The following SGIP1 variants were observed in gnomAD, a reference collection of about 807,000 sequenced individuals.
SGIP1 encodes the protein SH3GL interacting endocytic adaptor 1, also known as SH3-containing GRB2-like protein 3-interacting protein 1.
SGIP1 carries 38 observed loss-of-function variants against 107.5 expected under a neutral mutation model. That is an observed-to-expected ratio of 0.35 (90% CI 0.27 to 0.46). SGIP1 has a LOEUF of 0.46. SGIP1 is among the 20% of genes least tolerant of loss of function. The pLI, the probability that SGIP1 is intolerant of heterozygous loss-of-function variation, is 1.00. For synonymous variants in SGIP1, 365 were observed against 366.1 expected (o/e 1.00, Z 0.03); for missense variants, 929 against 1,019.5 (o/e 0.91, Z 1.21).
intron 1 of SGIP1, among the ~76,000 whole-genome samples, chr1:66,574,809 C>CACACAT (rs2060836618): frequency 3.3e-5 from 5 of 152,042 alleles, no homozygotes; most frequent in South Asian, 2.1e-4. Context: ...TGTGCACGCA[C>CACACAT]GCACATGTAT....
chr1:66,600,364 C>A lies in SGIP1; in HGVS notation c.11-25483C>A, dbSNP rs1053626648. Among the ~76,000 whole-genome samples, 29 of 22,570 alleles carry A rather than the reference C, an allele frequency of 1.3e-3. No individual in the cohort carries two copies. In the Admixed American group the frequency reaches 0.015, roughly 12 times the overall value. The allele number at this position is 22,570 out of a possible 152,430, so 14.8% of individuals were successfully genotyped here. A position where few individuals can be genotyped will look rare whatever the true frequency, so the allele number is the denominator to read the frequency against. On this transcript the variant is annotated intron_variant, in intron 1 of 24. Transcript: ENST00000371037. The stretch of plus-strand genomic sequence containing the variant: ...TTCAAAGGGGAACTAGCACAGAGAC[C>A]CCCCTCCTAGAAATGGAAGTCATGT...
intron 7 of SGIP1, among the ~76,000 whole-genome samples, chr1:66,656,715 A>G (rs1013231629): frequency 2.6e-5 from 4 of 152,136 alleles, no homozygotes; most frequent in Non-Finnish European, 5.9e-5. Flanking sequence ...GTTGTTCACT[A>G]ATGTCCCTAA....
intron 18 of SGIP1, among the ~76,000 whole-genome samples, chr1:66,700,370 CA>C (rs34109375): frequency 0.03 from 2,516 of 82,910 alleles, 58 homozygotes; most frequent in African/African-American, 0.11. Context: ...GACTCCATCT[CA>C]AAAAAAAAAA....
chr1:66,569,645 T>C (rs2060118419), intron 1 of SGIP1, among the ~76,000 whole-genome samples: 1 of 151,916 alleles, frequency 6.6e-6, no homozygotes, highest in East Asian at 1.9e-4. Context: ...TGGATTTGAT[T>C]TGCTAATACT....
rs114755013 is a variant in SGIP1, at chr1:66,542,989, A to G, written c.10+8621A>G. On this transcript the variant is annotated intron_variant, in intron 1 of 24. Transcript: ENST00000371037. ...TCTCTGACTGGCAAGTAAACAGCAG[A>G]TTGTTTAAATCTGACTGGATGTTTC... Among the ~76,000 whole-genome samples, 741 of 152,292 alleles carry G rather than the reference A, an allele frequency of 4.9e-3. 4 individuals carry two copies. Among genetic ancestry groups the G allele is most frequent in the African/African-American group, 0.017 (702 of 41,558 alleles).
At chr1:66,712,501 T>C (rs2092984068) in intron 18 of SGIP1, among the ~76,000 whole-genome samples, 1 of 152,270 alleles carries the variant, frequency 6.6e-6, no homozygotes, top group African/African-American at 2.4e-5. Context: ...TAAACACTCC[T>C]TTATTTATAA....
intron 19 of SGIP1, among the ~76,000 whole-genome samples, chr1:66,725,876 T>A (rs2150525016): frequency 6.6e-6 from 1 of 152,302 alleles, no homozygotes; most frequent in South Asian, 2.1e-4. Flanking sequence ...AAGCTAAGGT[T>A]GATGGGTGCT....
At chr1:66,533,926 G>T (rs1190547875), upstream of SGIP1, among the ~76,000 whole-genome samples, 1 of 151,776 alleles carries the variant, frequency 6.6e-6, no homozygotes, top group African/African-American at 2.4e-5. Flanking sequence ...GGCGGGGGAA[G>T]TGCGTCACCA....
intron 21 of SGIP1, among the ~76,000 whole-genome samples, chr1:66,736,218 ATACAAATATTTTAAATATAAATAT>A: frequency 6.9e-6 from 1 of 145,910 alleles, no homozygotes; most frequent in East Asian, 2.0e-4. Context: ...ATAAATATTT[ATACAAATATTTTAAATATAAATAT>A]TTATACAAAT....
chr1:66,634,413 C>A lies in SGIP1; in HGVS notation c.99+1319C>A, dbSNP rs535067845. ...GCTTCACTATTCTCTGTGTTCTGAG[C>A]AGCACCAACTTAAATCTCTGGTAGA... is the stretch of plus-strand genomic sequence containing the variant. On this transcript the variant is annotated intron_variant, in intron 3 of 24. Coordinates refer to ENST00000371037, the MANE Select transcript of SGIP1 (RefSeq NM_032291.4). Among the ~76,000 whole-genome samples, 15 of 152,266 alleles carry A rather than the reference C, an allele frequency of 9.9e-5. 1 individual carries two copies. The South Asian group carries it at 3.1e-3, about 32-fold the overall frequency.
intron 7 of SGIP1, among the ~76,000 whole-genome samples, chr1:66,648,750 G>C (rs535955686): frequency 1.3e-5 from 2 of 152,054 alleles, no homozygotes; most frequent in Non-Finnish European, 2.9e-5. Flanking sequence ...TAAATATTTT[G>C]TTCTAGAATT....
intron 7 of SGIP1, among the ~76,000 whole-genome samples, chr1:66,644,926 A>G (rs2077408212): frequency 6.6e-6 from 1 of 152,214 alleles, no homozygotes; most frequent in Non-Finnish European, 1.5e-5. Context: ...CTATAATGGA[A>G]GGTGCAGATT....
intron 23 of SGIP1, among the ~76,000 whole-genome samples, chr1:66,741,015 G>C (rs2094432504): frequency 6.6e-6 from 1 of 152,234 alleles, no homozygotes; most frequent in South Asian, 2.1e-4. Flanking sequence ...ACTCTCCTCA[G>C]ATATTAATCA....
At position 66,682,113 on chromosome 1, in the gene SGIP1, C is replaced by G; in HGVS notation, c.1059C>G (p.Gly353=). The G allele has an allele frequency of 1.9e-6, 3 of 1,613,622 alleles. No individual in the cohort carries two copies. Among genetic ancestry groups the G allele is most frequent in the Non-Finnish European group, 2.5e-6 (3 of 1,179,764 alleles). The change falls in exon 15 of 25, where the codon GGC becomes GGG. Residue 353 remains glycine, a synonymous_variant. Coordinates refer to ENST00000371037, the MANE Select transcript of SGIP1 (RefSeq NM_032291.4). ...PADSPAPGPL[G]PPGPTGPPGP... ...ACTCCCCAGCTCCAGGCCCTCTCGG[C>G]CCCCCAGGTCCCACAGGCCCCCCAG...
In SGIP1 at chr1:66,719,637, T is replaced by C. The variant is rs562326964; in HGVS notation, c.1742+232T>C. ...CTAGAAATCTTTGATTCCATTTTGG[T>C]TCTAGAGAACTTACTCTAGAAATCT... On this transcript the variant is annotated intron_variant, in intron 19 of 24. Coordinates refer to ENST00000371037, the MANE Select transcript of SGIP1 (RefSeq NM_032291.4). Among the ~76,000 whole-genome samples the C allele has an allele frequency of 2.4e-3, 366 of 152,316 alleles. 5 individuals are homozygous for C. The South Asian group carries it at 0.047, about 19-fold the overall frequency.
chr1:66,584,358 G>A (rs1367843364), intron 1 of SGIP1, among the ~76,000 whole-genome samples: 4 of 152,090 alleles, frequency 2.6e-5, no homozygotes, highest in Non-Finnish European at 5.9e-5. Context: ...TCAAAGAGAA[G>A]CAAATCTCTG....
At chr1:66,672,813 T>C (rs1428994870) in intron 11 of SGIP1, among the ~76,000 whole-genome samples, 1 of 152,168 alleles carries the variant, frequency 6.6e-6, no homozygotes, top group Admixed American at 6.5e-5. Context: ...ATGAAACTTC[T>C]CGGTGGCTTT....
chr1:66,673,163 G>GTATA, intron 11 of SGIP1, 118 bp from the exon 12 acceptor site: 1 of 962,166 alleles, frequency 1.0e-6, no homozygotes, highest in Non-Finnish European at 1.7e-6. Context: ...ATGCATGCAT[G>GTATA]CACTGGTGCA....
intron 15 of SGIP1, among the ~76,000 whole-genome samples, chr1:66,682,808 T>A (rs1291447892): frequency 7.1e-6 from 1 of 140,454 alleles, no homozygotes; most frequent in African/African-American, 2.5e-5. Flanking sequence ...CAGGAGGGGG[T>A]GGGTGGGCTT....
Sources: gnomAD v4.1 joint callset for allele counts (sites outside exome capture counted in the v4.1 genomes callset) on GRCh38, gnomAD v4.1.1 for gene constraint, MANE v1.5 for transcripts, NCBI Gene and HGNC (gene_info 2026-07-23, HGNC 2026-07-21) for gene names.